CNTN5: variants seen among roughly 807,000 people sequenced by gnomAD.
CNTN5 encodes the protein contactin-5.
In CNTN5, 77 loss-of-function variants were observed where a neutral mutation model predicts 129.1. The ratio of observed to expected loss-of-function variants is 0.60; its 90% CI spans 0.50 to 0.72. CNTN5 has a LOEUF of 0.72. Among genes scored for constraint, CNTN5 ranks in the 30% least tolerant of loss-of-function variants. The pLI is 0.00. For missense variants in CNTN5, 1,478 were observed against 1,328.8 expected, an observed-to-expected ratio of 1.11 and a Z score of -1.75; for synonymous variants, 509 against 465.6, an observed-to-expected ratio of 1.09 and a Z score of -1.20.
At chr11:99,317,673 GA>G (rs1865397876) in intron 1 of CNTN5, among the ~76,000 whole-genome samples, 1 of 152,112 alleles carries the variant, frequency 6.6e-6, no homozygotes. Context: ...ACGATGCACT[GA>G]TAACTTGTTT....
intron 3 of CNTN5, among the ~76,000 whole-genome samples, chr11:99,689,324 G>T (rs1045732999): frequency 6.6e-6 from 1 of 151,764 alleles, no homozygotes; most frequent in Non-Finnish European, 1.5e-5. Context: ...TCAGGAGATC[G>T]AGACCATCCT....
At chr11:99,158,336 C>A (rs1369157088) in intron 1 of CNTN5, among the ~76,000 whole-genome samples, 2 of 152,070 alleles carry the variant, frequency 1.3e-5, no homozygotes, top group Non-Finnish European at 2.9e-5. Flanking sequence ...ATGAAATGTT[C>A]GTGTCTTGGA....
intron 1 of CNTN5, among the ~76,000 whole-genome samples, chr11:99,154,284 G>A (rs1262261405): frequency 6.6e-6 from 1 of 152,188 alleles, no homozygotes; most frequent in African/African-American, 2.4e-5. Context: ...TTGCACCAGT[G>A]GCAGCCATGG....
At chr11:100,004,655 AC>A (rs1202072389) in intron 9 of CNTN5, among the ~76,000 whole-genome samples, 1 of 152,176 alleles carries the variant, frequency 6.6e-6, no homozygotes, top group African/African-American at 2.4e-5. Context: ...GCTAAGAAGA[AC>A]AAGAAAAACC....
At chr11:99,083,981 T>G (rs1865904336) in intron 1 of CNTN5, among the ~76,000 whole-genome samples, 1 of 152,188 alleles carries the variant, frequency 6.6e-6, no homozygotes, top group African/African-American at 2.4e-5. Flanking sequence ...CTGACATTAT[T>G]CCTTGTTCAA....
chr11:100,090,119 T>G (rs1357831395), intron 13 of CNTN5, among the ~76,000 whole-genome samples: 1 of 152,076 alleles, frequency 6.6e-6, no homozygotes, highest in East Asian at 1.9e-4. Context: ...ATCTTCTCAA[T>G]AGATAGAGAA....
At chr11:99,064,990 A>C (rs545931257) in intron 1 of CNTN5, among the ~76,000 whole-genome samples, 1 of 152,142 alleles carries the variant, frequency 6.6e-6, no homozygotes, top group East Asian at 1.9e-4. Flanking sequence ...ACTTTTAATA[A>C]AATTATCTAA....
At chr11:99,635,991 C>T (rs959623621) in intron 3 of CNTN5, among the ~76,000 whole-genome samples, 1 of 152,026 alleles carries the variant, frequency 6.6e-6, no homozygotes, top group African/African-American at 2.4e-5. Context: ...AGCCTTTTTA[C>T]ATGGATAAAA....
intron 3 of CNTN5, among the ~76,000 whole-genome samples, chr11:99,623,675 A>C (rs1245424728): frequency 6.6e-6 from 1 of 151,958 alleles, no homozygotes; most frequent in Non-Finnish European, 1.5e-5. Flanking sequence ...GTTCCATAAA[A>C]GAAATCTCAA....
At chr11:99,139,523 C>G (rs1048793785) in intron 1 of CNTN5, among the ~76,000 whole-genome samples, 1 of 152,058 alleles carries the variant, frequency 6.6e-6, no homozygotes, top group Non-Finnish European at 1.5e-5. Flanking sequence ...AGTAGAGACC[C>G]GAGCCGTTCA....
At chr11:99,168,342 G>A (rs921155676) in intron 1 of CNTN5, among the ~76,000 whole-genome samples, 30 of 152,054 alleles carry the variant, frequency 2.0e-4, no homozygotes, top group African/African-American at 7.2e-4. Context: ...GGCCGGGGGG[G>A]TGGGGGGACG....
chr11:99,647,042 C>T (rs1951990728), intron 3 of CNTN5, among the ~76,000 whole-genome samples: 1 of 141,822 alleles, frequency 7.1e-6, no homozygotes, highest in Non-Finnish European at 1.5e-5. Flanking sequence ...ACATTAACCC[C>T]ATTTGTTTGT....
intron 6 of CNTN5, among the ~76,000 whole-genome samples, chr11:99,884,822 C>G (rs1480740607): frequency 6.6e-6 from 1 of 152,114 alleles, no homozygotes; most frequent in Non-Finnish European, 1.5e-5. Context: ...ACTAAAACTA[C>G]AGAAATTAGC....
At chr11:99,748,328 C>A (rs574882141) in intron 3 of CNTN5, among the ~76,000 whole-genome samples, 1 of 151,966 alleles carries the variant, frequency 6.6e-6, no homozygotes, top group South Asian at 2.1e-4. Flanking sequence ...AACTCGAAGC[C>A]ATCAAATCCT....
chr11:99,380,955 G>A (rs573108823), intron 2 of CNTN5, among the ~76,000 whole-genome samples: 9 of 152,006 alleles, frequency 5.9e-5, no homozygotes, highest in East Asian at 5.8e-4. Context: ...TATTGGAAAC[G>A]TCCAACGGAT....
chr11:99,462,303 G>GA (rs1181516183), intron 2 of CNTN5, among the ~76,000 whole-genome samples: 2 of 150,820 alleles, frequency 1.3e-5, no homozygotes, highest in African/African-American at 2.4e-5. Flanking sequence ...ACAATGGCAG[G>GA]AAAAAATGTG....
intron 2 of CNTN5, among the ~76,000 whole-genome samples, chr11:99,503,556 A>G (rs1339264304): frequency 6.6e-6 from 1 of 152,044 alleles, no homozygotes; most frequent in African/African-American, 2.4e-5. Flanking sequence ...TCTCAATGTA[A>G]TTTAGGGCAA....
intron 1 of CNTN5, among the ~76,000 whole-genome samples, chr11:99,175,085 G>A (rs76166789): frequency 6.6e-6 from 1 of 151,808 alleles, no homozygotes; most frequent in African/African-American, 2.4e-5. Context: ...TATGAAAAAA[G>A]AAGCCAGGTA....
intron 1 of CNTN5, among the ~76,000 whole-genome samples, chr11:99,259,780 CACTTCTGAAA>C (rs1862545195): frequency 6.6e-6 from 1 of 151,780 alleles, no homozygotes; most frequent in South Asian, 2.1e-4. Flanking sequence ...TTTTGCTCTG[CACTTCTGAAA>C]ACAGTCCATG....
Sources: allele counts gnomAD v4.1 joint callset (sites outside exome capture counted in the v4.1 genomes callset), GRCh38; gene constraint gnomAD v4.1.1; transcripts MANE v1.5; gene names NCBI Gene and HGNC (gene_info 2026-07-23, HGNC 2026-07-21).